Variants in NEK7 observed in about 807,000 individuals in gnomAD.
NEK7 encodes NIMA related kinase 7, also known as serine/threonine-protein kinase Nek7.
NEK7 carries 18 observed loss-of-function variants against 44.6 expected under a neutral mutation model. That is an observed-to-expected ratio of 0.40 (90% CI 0.28 to 0.60). The LOEUF is 0.60. Among genes scored for constraint, NEK7 ranks in the 20% least tolerant of loss-of-function variants. The pLI is 0.38. For synonymous variants in NEK7, 130 were observed against 121.1 expected, an observed-to-expected ratio of 1.07 and a Z score of -0.48; for missense variants, 256 against 366.5, an observed-to-expected ratio of 0.70 and a Z score of 2.46.
chr1:198,283,756 C>T (rs545538984), intron 7 of NEK7, among the ~76,000 whole-genome samples: 1 of 152,150 alleles, frequency 6.6e-6, no homozygotes, highest in Non-Finnish European at 1.5e-5. Flanking sequence ...AGGTCAGTGG[C>T]TTTCAAATTT....
chr1:198,187,860 A>G (rs1217221809), intron 1 of NEK7, among the ~76,000 whole-genome samples: 1 of 152,216 alleles, frequency 6.6e-6, no homozygotes, highest in Non-Finnish European at 1.5e-5. Context: ...CAAAGGTACA[A>G]GGTTATGTAA....
intron 9 of NEK7, among the ~76,000 whole-genome samples, chr1:198,302,630 T>C (rs565880193): frequency 2.0e-5 from 3 of 152,344 alleles, no homozygotes; most frequent in Admixed American, 2.0e-4. Flanking sequence ...TTAATTGAAC[T>C]AAACTGATTT....
At chr1:198,159,128 C>T (rs1168348839) in intron 1 of NEK7, among the ~76,000 whole-genome samples, 1 of 152,188 alleles carries the variant, frequency 6.6e-6, no homozygotes, top group African/African-American at 2.4e-5. Context: ...CCGGGAGGCT[C>T]CGCCCTCCGG....
Position 198,157,566 on chromosome 1 carries a change from A to ACGG in NEK7, c.-29+301_-29+303dup, listed in dbSNP as rs1036866263. On this transcript the variant is annotated intron_variant, in intron 1 of 9. Coordinates refer to ENST00000367385, the MANE Select transcript of NEK7 (RefSeq NM_133494.3). ...GCGGTAACTAAGAAACTCCGTGGCC[A>ACGG]CGGCGGCGGCGGCAACAGGTCTTTG... Among the ~76,000 whole-genome samples the ACGG allele has an allele frequency of 2.2e-4, 33 of 152,202 alleles. 1 individual carries two copies. Among genetic ancestry groups the ACGG allele is most frequent in the Admixed American group, 2.6e-4 (4 of 15,290 alleles).
chr1:198,275,157 A>G (rs1315557046), intron 5 of NEK7, among the ~76,000 whole-genome samples: 1 of 151,500 alleles, frequency 6.6e-6, no homozygotes, highest in Non-Finnish European at 1.5e-5. Context: ...TTACTTTTAA[A>G]GTAAATAGTA....
intron 1 of NEK7, among the ~76,000 whole-genome samples, chr1:198,169,116 A>G (rs1664354941): frequency 6.6e-6 from 1 of 152,174 alleles, no homozygotes; most frequent in Non-Finnish European, 1.5e-5. Context: ...TCTATGTGTT[A>G]GTTTTTAAAA....
At chr1:198,204,717 CAAA>C (rs58273857) in intron 1 of NEK7, among the ~76,000 whole-genome samples, 19,650 of 87,150 alleles carry the variant, frequency 0.23, 1,151 homozygotes, top group East Asian at 0.51. Context: ...GACTCCGTCT[CAAA>C]AAAAAAAAAA....
intron 1 of NEK7, among the ~76,000 whole-genome samples, chr1:198,167,327 C>G (rs1558038643): frequency 6.6e-6 from 1 of 152,136 alleles, no homozygotes; most frequent in Non-Finnish European, 1.5e-5. Flanking sequence ...AGATTCTTTA[C>G]TTAGAAAAGA....
chr1:198,302,274 A>G (rs1455382142), intron 9 of NEK7, among the ~76,000 whole-genome samples: 1 of 152,136 alleles, frequency 6.6e-6, no homozygotes, highest in Non-Finnish European at 1.5e-5. Flanking sequence ...TTACCTCATA[A>G]ATACTAATAA....
At chr1:198,195,945 CTGAGA>C (rs1168959310) in intron 1 of NEK7, among the ~76,000 whole-genome samples, 1 of 152,086 alleles carries the variant, frequency 6.6e-6, no homozygotes, top group Non-Finnish European at 1.5e-5. Flanking sequence ...TTCCAATGGT[CTGAGA>C]TATTTCTTTT....
intron 1 of NEK7, among the ~76,000 whole-genome samples, chr1:198,162,580 C>G (rs548665229): frequency 6.4e-4 from 98 of 152,186 alleles, no homozygotes; most frequent in Middle Eastern, 6.8e-3. Flanking sequence ...TCACTTACTT[C>G]TCTATTCTTA....
At chr1:198,297,361 T>A in intron 9 of NEK7, 121 bp downstream of exon 9, 1 of 1,207,494 alleles carries the variant, frequency 8.3e-7, no homozygotes, top group Non-Finnish European at 1.2e-6. Context: ...GAACTAGCAC[T>A]TTTTAATTCT....
Position 198,319,502 on chromosome 1 carries a change from G to T in NEK7, c.889G>T (p.Ala297Ser). The part of the protein sequence containing the change: ...YVYDVAKRMH[A>S]CTASS ...TTATGACGTAGCAAAGAGGATGCATGCATGCACTGCAAGCAGCTAAACATG... is the reference window on the plus strand; with the variant it reads ...TTATGACGTAGCAAAGAGGATGCATTCATGCACTGCAAGCAGCTAAACATG... The change falls in exon 10 of 10, where the codon GCA becomes TCA. Residue 297 changes from alanine to serine, a missense_variant. By Grantham distance (99) the Ala-to-Ser change is moderately conservative (BLOSUM62 1). Around this residue, in one of 3 missense-constraint regions of NEK7, gnomAD observed 58 missense variants for 66.5 expected, o/e 0.87. Transcript: ENST00000367385. The T allele has an allele frequency of 6.2e-7, 1 of 1,611,472 alleles. No homozygotes were observed. Among genetic ancestry groups the T allele is most frequent in the Non-Finnish European group, 8.5e-7 (1 of 1,178,502 alleles).
In NEK7 at chr1:198,247,482, C is replaced by A. The variant is rs1302916147; in HGVS notation, c.58-5558C>A. On this transcript the variant is annotated intron_variant, in intron 2 of 9. Coordinates refer to ENST00000367385, the MANE Select transcript of NEK7 (RefSeq NM_133494.3). The stretch of plus-strand genomic sequence containing the variant: ...AATTGAATTTGATGGCATTTAAAGT[C>A]CTGATATACAGTGCCTGTTAAGTTG... 2.6e-5 allele frequency among the ~76,000 whole-genome samples: 4 copies of A among 152,082 alleles called. No homozygotes were observed. The East Asian group carries it at 7.7e-4, about 29-fold the overall frequency.
intron 1 of NEK7, among the ~76,000 whole-genome samples, chr1:198,179,626 A>C (rs915195919): frequency 6.6e-6 from 1 of 152,162 alleles, no homozygotes; most frequent in Non-Finnish European, 1.5e-5. Context: ...CAGACTCTCC[A>C]GGATGTGGTT....
intron 1 of NEK7, among the ~76,000 whole-genome samples, chr1:198,177,847 G>A (rs144121754): frequency 5.3e-5 from 8 of 152,070 alleles, no homozygotes; most frequent in African/African-American, 1.7e-4. Flanking sequence ...ATCACCATTA[G>A]TGGAATTAAG....
intron 5 of NEK7, 100 bp from the exon 6 acceptor site, chr1:198,277,861 A>G (rs1290932495): frequency 3.0e-6 from 2 of 657,220 alleles, no homozygotes; most frequent in Non-Finnish European, 5.4e-6. Flanking sequence ...ATAATGGTAG[A>G]TAAAATTAGC....
chr1:198,287,584 C>A (rs926293344), intron 7 of NEK7, among the ~76,000 whole-genome samples: 1 of 151,588 alleles, frequency 6.6e-6, no homozygotes, highest in Non-Finnish European at 1.5e-5. Flanking sequence ...ATTTACTTTT[C>A]AAGGGAGAAA....
chr1:198,179,073 A>G (rs1009641701), intron 1 of NEK7, among the ~76,000 whole-genome samples: 3 of 151,846 alleles, frequency 2.0e-5, no homozygotes, highest in Non-Finnish European at 2.9e-5. Flanking sequence ...ATATAAAAAC[A>G]TACTGTAATT....
Sources: gnomAD v4.1 joint callset for allele counts (sites outside exome capture counted in the v4.1 genomes callset) on GRCh38, gnomAD v4.1.1 for gene constraint, gnomAD v4.1.1 regional missense constraint, MANE v1.5 for transcripts, NCBI Gene and HGNC (gene_info 2026-07-23, HGNC 2026-07-21) for gene names.